Variants in PDE4B observed in about 807,000 individuals in gnomAD.
The protein encoded by PDE4B is 3',5'-cyclic-AMP phosphodiesterase 4B.
PDE4B carries 20 observed loss-of-function variants against 82.2 expected under a neutral mutation model. The ratio of observed to expected loss-of-function variants is 0.24; its 90% confidence interval spans 0.17 to 0.35. The LOEUF (loss-of-function observed/expected upper bound fraction) is 0.35. PDE4B is among the 10% of genes least tolerant of loss of function. The pLI is 1.00. For missense variants in PDE4B, 655 were observed against 907.2 expected (o/e 0.72, Z 3.57); for synonymous variants, 320 against 318.9 (o/e 1.00, Z -0.04).
chr1:66,018,745 T>A (rs556540093), intron 3 of PDE4B, among the ~76,000 whole-genome samples: 1 of 152,270 alleles, frequency 6.6e-6, no homozygotes, highest in African/African-American at 2.4e-5. Flanking sequence ...GATACAATCT[T>A]AAGTTAGTGG....
chr1:65,960,340 G>A (rs1330770252), intron 3 of PDE4B, among the ~76,000 whole-genome samples: 1 of 152,266 alleles, frequency 6.6e-6, no homozygotes, highest in Non-Finnish European at 1.5e-5. Context: ...TCTGTCGGTG[G>A]TGGATATGGA....
chr1:66,041,105 T>C (rs1654343384), intron 3 of PDE4B, among the ~76,000 whole-genome samples: 1 of 151,892 alleles, frequency 6.6e-6, no homozygotes, highest in African/African-American at 2.4e-5. Context: ...TACTAAGGTG[T>C]TGTATAGAGG....
chr1:66,196,553 C>G (rs1648310340), intron 3 of PDE4B, among the ~76,000 whole-genome samples: 1 of 152,132 alleles, frequency 6.6e-6, no homozygotes, highest in Non-Finnish European at 1.5e-5. Context: ...TCCCTCCTCC[C>G]CCAATTTATT....
intron 3 of PDE4B, among the ~76,000 whole-genome samples, chr1:65,995,657 AT>A (rs1651501399): frequency 6.6e-6 from 1 of 152,208 alleles, no homozygotes; most frequent in Non-Finnish European, 1.5e-5. Flanking sequence ...AAATAAGAGC[AT>A]AAGTACTTTA....
At chr1:66,157,574 C>T (rs923797961) in intron 3 of PDE4B, among the ~76,000 whole-genome samples, 13 of 152,306 alleles carry the variant, frequency 8.5e-5, no homozygotes, top group African/African-American at 3.1e-4. Context: ...TCAACTCCTT[C>T]TGATTCTACT....
At chr1:66,332,485 C>G (rs772165282) in intron 7 of PDE4B, 23 bp from the exon 8 acceptor site, 6 of 1,614,182 alleles carry the variant, frequency 3.7e-6, no homozygotes, top group Non-Finnish European at 5.1e-6. Context: ...AGCCTAACTA[C>G]ATGCCTGTGT....
At chr1:66,168,047 T>A (rs920621317) in intron 3 of PDE4B, among the ~76,000 whole-genome samples, 1 of 152,228 alleles carries the variant, frequency 6.6e-6, no homozygotes, top group African/African-American at 2.4e-5. Flanking sequence ...ACATTCACTC[T>A]GACCCAAAAT....
intron 1 of PDE4B, among the ~76,000 whole-genome samples, chr1:65,798,828 G>T (rs756262063): frequency 2.0e-5 from 3 of 152,098 alleles, no homozygotes; most frequent in Non-Finnish European, 2.9e-5. Flanking sequence ...TGTAATTACA[G>T]AATTAAATGT....
At chr1:66,152,261 G>T (rs2101200699) in intron 3 of PDE4B, 1 of 158,600 alleles carries the variant, frequency 6.3e-6, no homozygotes, top group South Asian at 1.9e-4. Flanking sequence ...GACAAGCTTT[G>T]TTCTCTGTAT....
intron 3 of PDE4B, among the ~76,000 whole-genome samples, chr1:66,083,161 C>A (rs771644453): frequency 6.6e-6 from 1 of 152,102 alleles, no homozygotes; most frequent in South Asian, 2.1e-4. Flanking sequence ...TCTCTGCCTG[C>A]GTGGCCACAT....
At chr1:65,963,098 T>G (rs780677397) in intron 3 of PDE4B, among the ~76,000 whole-genome samples, 5 of 152,136 alleles carry the variant, frequency 3.3e-5, no homozygotes, top group Non-Finnish European at 7.4e-5. Flanking sequence ...TAATCACCTT[T>G]CTCAAGATGC....
At chr1:66,341,198 G>A (rs899704088) in intron 8 of PDE4B, among the ~76,000 whole-genome samples, 13 of 152,170 alleles carry the variant, frequency 8.5e-5, no homozygotes, top group Non-Finnish European at 1.8e-4. Context: ...GTAAAATATA[G>A]AGCACATTCT....
At chr1:65,939,262 G>T (rs1648317043) in intron 3 of PDE4B, among the ~76,000 whole-genome samples, 1 of 152,068 alleles carries the variant, frequency 6.6e-6, no homozygotes. Flanking sequence ...AGCCTTTGTT[G>T]CAGCTTCCTC....
At chr1:66,109,309 GT>G (rs1645434375) in intron 3 of PDE4B, among the ~76,000 whole-genome samples, 1 of 151,816 alleles carries the variant, frequency 6.6e-6, no homozygotes, top group Non-Finnish European at 1.5e-5. Context: ...TGTAGATGAG[GT>G]TAAAAAGTTC....
rs576873503 is a variant in PDE4B at position 65,835,466 on chromosome 1, G to A, written c.-71+42218G>A. On this transcript the variant is annotated intron_variant, in intron 1 of 16. Transcript: ENST00000341517. ...AGAAAAGTGTTAATTTTCAAAATAC[G>A]ATATCGGCAAACCTAAAGGAGAAGC... 3.9e-5 allele frequency among the ~76,000 whole-genome samples: 6 copies of A among 152,198 alleles called. No individual in the cohort carries two copies. In the East Asian group the frequency reaches 5.8e-4, roughly 15 times the overall value.
intron 3 of PDE4B, among the ~76,000 whole-genome samples, chr1:66,208,133 T>C (rs1649710020): frequency 6.6e-6 from 1 of 152,208 alleles, no homozygotes; most frequent in Non-Finnish European, 1.5e-5. Context: ...TTCCATGCTC[T>C]CTAGGTGTGC....
chr1:66,001,051 G>A (rs955903005), intron 3 of PDE4B, among the ~76,000 whole-genome samples: 1 of 152,152 alleles, frequency 6.6e-6, no homozygotes, highest in Non-Finnish European at 1.5e-5. Context: ...AGTTAAATGA[G>A]TAGAGGGAGA....
At chr1:66,013,067 C>G (rs1250651011) in intron 3 of PDE4B, among the ~76,000 whole-genome samples, 1 of 152,072 alleles carries the variant, frequency 6.6e-6, no homozygotes, top group Non-Finnish European at 1.5e-5. Context: ...ATGGTCTTAA[C>G]TGTGAAACTG....
intron 3 of PDE4B, among the ~76,000 whole-genome samples, chr1:66,237,697 A>G (rs1652567837): frequency 6.6e-6 from 1 of 152,236 alleles, no homozygotes; most frequent in African/African-American, 2.4e-5. Context: ...GAGCTGGCCC[A>G]ATGACAATAA....
Sources: allele counts gnomAD v4.1 joint callset (sites outside exome capture counted in the v4.1 genomes callset), GRCh38; gene constraint gnomAD v4.1.1; transcripts MANE v1.5; gene names NCBI Gene and HGNC (gene_info 2026-07-23, HGNC 2026-07-21).